The following SPINK13 variants were observed in gnomAD, a reference collection of about 807,000 sequenced individuals.
The protein encoded by SPINK13 is serine peptidase inhibitor Kazal type 13, also known as serine protease inhibitor Kazal-type 13.
A neutral mutation model predicts 11.0 loss-of-function variants in SPINK13; 11 were observed. The observed-to-expected ratio is 1.00, with a 90% CI of 0.63 to 1.65. The LOEUF (loss-of-function observed/expected upper bound fraction) is 1.65, where lower values mean the gene tolerates loss of function less well. Among genes scored for constraint, SPINK13 ranks in the 40% most tolerant of loss-of-function variants. The probability of loss-of-function intolerance (pLI) is 0.00; values close to 1 mark genes in which losing one functional copy is unlikely to be tolerated. For missense variants in SPINK13, 113 were observed against 117.7 expected (o/e 0.96, Z 0.19); for synonymous variants, 31 against 35.6 (o/e 0.87, Z 0.46).
chr5:148,280,233 T>C (rs956938874), intron 3 of SPINK13, among the ~76,000 whole-genome samples: 2 of 152,150 alleles, frequency 1.3e-5, no homozygotes, highest in Admixed American at 6.5e-5. Flanking sequence ...TAGAACATGC[T>C]CCTTTGGCTC....
At chr5:148,271,486 C>T (rs1756349405) in intron 2 of SPINK13, among the ~76,000 whole-genome samples, 1 of 152,074 alleles carries the variant, frequency 6.6e-6, no homozygotes, top group African/African-American at 2.4e-5. Flanking sequence ...TCCCAAAATT[C>T]TTACTTCAGT....
chr5:148,272,363 T>A (rs1006338810), intron 2 of SPINK13, among the ~76,000 whole-genome samples: 5 of 152,138 alleles, frequency 3.3e-5, no homozygotes, highest in African/African-American at 9.7e-5. Flanking sequence ...AATTAAAATT[T>A]AAAAAATATT....
At position 148,279,091 on chromosome 5, in the gene SPINK13, C is replaced by CTTTTTTTTTTTTTT. The variant is rs746029113; in HGVS notation, c.109-3001_109-2988dup. ...TCAGAGACTAGAATTGCAACCCCTGCTTTTTTTTTTTTTTTTTTTTTTTTT... is the reference window on the plus strand; with the variant it reads ...TCAGAGACTAGAATTGCAACCCCTGCTTTTTTTTTTTTTTTTTTTTTTTTTTTTTTTTTTTTTTT... On this transcript the variant is annotated intron_variant, in intron 3 of 4. Transcript: ENST00000398450. Among the ~76,000 whole-genome samples, 21 of 51,652 alleles carry CTTTTTTTTTTTTTT rather than the reference C, an allele frequency of 4.1e-4. 1 individual carries two copies. Among genetic ancestry groups the CTTTTTTTTTTTTTT allele is most frequent in the East Asian group, 1.7e-3 (2 of 1,164 alleles). 33.9% of individuals were successfully genotyped at this position (51,652 alleles called of 152,430 possible). A position where few individuals can be genotyped will look rare whatever the true frequency, so the allele number is the denominator to read the frequency against.
rs185526149 is a variant in SPINK13 at position 148,276,059 on chromosome 5, C to T, written c.108+1675C>T. On this transcript the variant is annotated intron_variant, in intron 3 of 4. Transcript: ENST00000398450. ...TTCTCTGATGACCAGTGATGATGAGCGTTTTTTCATATGTTTGTTGGCTGC... is the reference window on the plus strand; with the variant it reads ...TTCTCTGATGACCAGTGATGATGAGTGTTTTTTCATATGTTTGTTGGCTGC... 5.9e-5 allele frequency among the ~76,000 whole-genome samples: 9 copies of T among 152,210 alleles called. No individual in the cohort carries two copies. The East Asian group carries it at 1.5e-3, about 26-fold the overall frequency.
chr5:148,285,483 A>T (rs1756576311), intron 4 of SPINK13, among the ~76,000 whole-genome samples: 1 of 152,220 alleles, frequency 6.6e-6, no homozygotes, highest in Non-Finnish European at 1.5e-5. Context: ...TGTAATACAA[A>T]TATGATGCTG....
intron 1 of SPINK13, among the ~76,000 whole-genome samples, chr5:148,269,790 T>C (rs1252497992): frequency 6.6e-6 from 1 of 152,164 alleles, no homozygotes; most frequent in Non-Finnish European, 1.5e-5. Flanking sequence ...TTGGGCCTAA[T>C]TTTTCTTCCA....
chr5:148,282,683 G>A (rs975650557), intron 4 of SPINK13, among the ~76,000 whole-genome samples: 1 of 152,196 alleles, frequency 6.6e-6, no homozygotes, highest in South Asian at 2.1e-4. Flanking sequence ...CATAGATGCA[G>A]GTATAGATAC....
Position 148,286,161 on chromosome 5 carries a change from G to A in SPINK13, c.*113G>A. ...TAACATCCCTATGCTGTACTTAAATGTCGAACAAAATGAGAGACAAAAATG... is the reference window on the plus strand; with the variant it reads ...TAACATCCCTATGCTGTACTTAAATATCGAACAAAATGAGAGACAAAAATG... On this transcript the variant is annotated 3_prime_UTR_variant, in exon 5 of 5. Coordinates refer to ENST00000398450, the MANE Select transcript of SPINK13 (RefSeq NM_001040129.3). The A allele has an allele frequency of 3.3e-6, 2 of 597,024 alleles. No homozygotes were observed. The highest frequency in any genetic ancestry group is 2.6e-6 in the Non-Finnish European group (1 of 379,164). The allele number at this position is 597,024 out of a possible 1,614,324, so 37.0% of individuals were successfully genotyped here. A position where few individuals can be genotyped will look rare whatever the true frequency, so the allele number is the denominator to read the frequency against.
At position 148,286,075 on chromosome 5, in the gene SPINK13, T is replaced by C; in HGVS notation, c.*27T>C. On this transcript the variant is annotated 3_prime_UTR_variant, in exon 5 of 5. Transcript: ENST00000398450. Reference sequence around the variant, plus strand: ...GGGTACCAGAGTAACTACACTTGCTTATTCTTTTTCTACTTAATTCAGAAT... The same window carrying C: ...GGGTACCAGAGTAACTACACTTGCTCATTCTTTTTCTACTTAATTCAGAAT... The C allele has an allele frequency of 2.2e-6, 3 of 1,362,558 alleles. No homozygotes were observed. The highest frequency in any genetic ancestry group is 3.0e-6 in the Non-Finnish European group (3 of 998,402). 84.4% of individuals were successfully genotyped at this position (1,362,558 alleles called of 1,614,324 possible).
intron 3 of SPINK13, among the ~76,000 whole-genome samples, chr5:148,279,476 G>C (rs1036067425): frequency 6.6e-6 from 1 of 152,036 alleles, no homozygotes; most frequent in African/African-American, 2.4e-5. Context: ...CAGGCCTGGT[G>C]GTGACAAAAA....
intron 2 of SPINK13, among the ~76,000 whole-genome samples, chr5:148,271,401 T>G (rs1448520864): frequency 6.6e-6 from 1 of 152,168 alleles, no homozygotes; most frequent in Non-Finnish European, 1.5e-5. Flanking sequence ...TAATGTAGTA[T>G]TCAATCAACC....
At chr5:148,281,916 G>C (rs1756521878) in intron 3 of SPINK13, among the ~76,000 whole-genome samples, 188 bp from the exon 4 acceptor site, 1 of 152,200 alleles carries the variant, frequency 6.6e-6, no homozygotes, top group Admixed American at 6.5e-5. Context: ...GAGATGATAG[G>C]ATGGGTGGGG....
chr5:148,273,762 G>A (rs564597665), intron 2 of SPINK13, among the ~76,000 whole-genome samples: 8 of 152,328 alleles, frequency 5.3e-5, no homozygotes, highest in Admixed American at 4.6e-4. Flanking sequence ...AACAGTGACA[G>A]ATAAGTAAGA....
Position 148,286,163 on chromosome 5 carries a change from C to A in SPINK13, c.*115C>A. 2 of 567,670 alleles carry A rather than the reference C, an allele frequency of 3.5e-6. No homozygotes were observed. Among genetic ancestry groups the A allele is most frequent in the South Asian group, 4.8e-5 (1 of 20,944 alleles). The allele number at this position is 567,670 out of a possible 1,614,324, so 35.2% of individuals were successfully genotyped here. ...ACATCCCTATGCTGTACTTAAATGT[C>A]GAACAAAATGAGAGACAAAAATGAA... On this transcript the variant is annotated 3_prime_UTR_variant, in exon 5 of 5. Coordinates refer to ENST00000398450, the MANE Select transcript of SPINK13 (RefSeq NM_001040129.3).
intron 3 of SPINK13, among the ~76,000 whole-genome samples, chr5:148,278,643 T>C (rs1756467732): frequency 6.6e-6 from 1 of 152,222 alleles, no homozygotes; most frequent in Non-Finnish European, 1.5e-5. Flanking sequence ...GACTGTTTGT[T>C]ATGATTCCCG....
intron 3 of SPINK13, among the ~76,000 whole-genome samples, chr5:148,278,621 T>C (rs1285823061): frequency 6.6e-6 from 1 of 152,254 alleles, no homozygotes; most frequent in East Asian, 1.9e-4. Flanking sequence ...TTGATTGCAC[T>C]GTGGTCTGAG....
chr5:148,279,093 T>TTTG, intron 3 of SPINK13, among the ~76,000 whole-genome samples: 1 of 110,456 alleles, frequency 9.1e-6, no homozygotes, highest in African/African-American at 7.1e-5. Flanking sequence ...AACCCCTGCT[T>TTTG]TTTTTTTTTT....
chr5:148,280,586 C>T (rs1489331167), intron 3 of SPINK13, among the ~76,000 whole-genome samples: 3 of 152,164 alleles, frequency 2.0e-5, no homozygotes, highest in Non-Finnish European at 2.9e-5. Context: ...TCCACTCCAG[C>T]CCCTGTCTGG....
Position 148,281,515 on chromosome 5 carries a change from C to T in SPINK13, c.109-589C>T, listed in dbSNP as rs191565048. Among the ~76,000 whole-genome samples, 18 of 152,294 alleles carry T rather than the reference C, an allele frequency of 1.2e-4. No homozygotes were observed. In the East Asian group the frequency reaches 3.5e-3, roughly 29 times the overall value. ...CTCTGTCCTTCACAGCACAGTCTCT[C>T]ATGGCTTCCCTTGGCTGGGGAGGGA... On this transcript the variant is annotated intron_variant, in intron 3 of 4. Transcript: ENST00000398450.
Sources: gnomAD v4.1 joint callset for allele counts (sites outside exome capture counted in the v4.1 genomes callset) on GRCh38, gnomAD v4.1.1 for gene constraint, MANE v1.5 for transcripts, NCBI Gene and HGNC (gene_info 2026-07-23, HGNC 2026-07-21) for gene names.